Variants in PARD3B observed in about 807,000 individuals in gnomAD.
PARD3B encodes par-3 family cell polarity regulator beta, also known as partitioning defective 3 homolog B.
PARD3B carries 103 observed loss-of-function variants against 130.2 expected under a neutral mutation model. The ratio of observed to expected loss-of-function variants is 0.79; its 90% confidence interval spans 0.67 to 0.93. The LOEUF is 0.93. PARD3B is among the 40% of genes least tolerant of loss of function. The pLI, the probability that PARD3B is intolerant of heterozygous loss-of-function variation, is 0.00. For synonymous variants in PARD3B, 583 were observed against 553.2 expected, an observed-to-expected ratio of 1.05 and a Z score of -0.76; for missense variants, 1,609 against 1,499.2, an observed-to-expected ratio of 1.07 and a Z score of -1.21.
At chr2:205,206,181 T>C (rs1459420837) in intron 15 of PARD3B, among the ~76,000 whole-genome samples, 3 of 151,792 alleles carry the variant, frequency 2.0e-5, no homozygotes, top group Non-Finnish European at 4.4e-5. Context: ...CCATTGTTCA[T>C]ATTTAAATGA....
intron 19 of PARD3B, among the ~76,000 whole-genome samples, chr2:205,415,369 G>A (rs554168925): frequency 1.8e-4 from 27 of 152,220 alleles, no homozygotes; most frequent in African/African-American, 5.1e-4. Context: ...AAGCCTTGCC[G>A]AGAAAGGTAG....
intron 2 of PARD3B, among the ~76,000 whole-genome samples, chr2:204,809,825 C>T (rs2042901713): frequency 6.6e-6 from 1 of 152,150 alleles, no homozygotes; most frequent in Non-Finnish European, 1.5e-5. Flanking sequence ...CTGTAAGTTG[C>T]TTTGGGCACT....
At chr2:204,992,188 T>G (rs1422698344) in intron 3 of PARD3B, among the ~76,000 whole-genome samples, 2 of 148,300 alleles carry the variant, frequency 1.3e-5, no homozygotes, top group African/African-American at 2.5e-5. Flanking sequence ...CTAGGTTTTC[T>G]TCTAGGGTTT....
intron 3 of PARD3B, among the ~76,000 whole-genome samples, chr2:204,966,054 G>A (rs1691212629): frequency 6.6e-6 from 1 of 152,150 alleles, no homozygotes; most frequent in African/African-American, 2.4e-5. Context: ...ACTACTTAGA[G>A]CACCTGTTAT....
At chr2:204,718,169 T>G (rs1240197642) in intron 2 of PARD3B, among the ~76,000 whole-genome samples, 1 of 152,098 alleles carries the variant, frequency 6.6e-6, no homozygotes, top group Non-Finnish European at 1.5e-5. Flanking sequence ...TTTTTTTTTC[T>G]ATTTCTTTGG....
Position 205,542,345 on chromosome 2 carries a change from A to AGT in PARD3B, c.3181-10978_3181-10977dup, listed in dbSNP as rs2052187063. 1.5e-4 allele frequency among the ~76,000 whole-genome samples: 13 copies of AGT among 84,664 alleles called. 1 individual carries two copies. In the Admixed American group the frequency reaches 1.9e-3, roughly 12 times the overall value. 55.5% of individuals were successfully genotyped at this position (84,664 alleles called of 152,430 possible). On this transcript the variant is annotated intron_variant, in intron 21 of 22. Transcript: ENST00000406610. ...TCTAGTTAACAGGAAACTATTCAGT[A>AGT]GTTTGTGTTTGTGTGTGTGTGTGTG...
At chr2:205,311,878 C>A (rs779008436) in intron 18 of PARD3B, among the ~76,000 whole-genome samples, 4 of 152,088 alleles carry the variant, frequency 2.6e-5, no homozygotes, top group Non-Finnish European at 5.9e-5. Context: ...GCTTTTCTTT[C>A]TTTCTTTATG....
intron 21 of PARD3B, among the ~76,000 whole-genome samples, chr2:205,528,116 G>A (rs1015475240): frequency 6.6e-5 from 10 of 152,114 alleles, no homozygotes; most frequent in Non-Finnish European, 1.3e-4. Flanking sequence ...TGGTCTTCCT[G>A]GTAAGAGGTT....
At position 204,546,050 on chromosome 2, in the gene PARD3B, G is replaced by A; in HGVS notation, c.51G>A (p.Lys17=). Residue 17 remains lysine (K), a synonymous_variant, in exon 1 of 23, where the codon AAG becomes AAA. Transcript: ENST00000406610. The part of the protein sequence containing the change: ...FGRTGIVVPC[K]EGQLRVGELT... ...GGACGGGCATCGTGGTGCCCTGCAA[G>A]GAGGGCCAGCTGCGCGTCGGCGAGC... is the stretch of plus-strand genomic sequence containing the variant. The A allele has an allele frequency of 1.3e-6, 2 of 1,566,516 alleles. No individual in the cohort carries two copies. The highest frequency in any genetic ancestry group is 8.7e-7 in the Non-Finnish European group (1 of 1,154,836).
Position 205,309,318 on chromosome 2 carries a change from A to G in PARD3B, c.2630+7617A>G, listed in dbSNP as rs1262170139. Among the ~76,000 whole-genome samples the G allele has an allele frequency of 6.6e-6, 1 of 152,154 alleles. No individual in the cohort carries two copies. Among genetic ancestry groups the G allele is most frequent in the East Asian group, 1.9e-4 (1 of 5,190 alleles). On this transcript the variant is annotated intron_variant, in intron 18 of 22. Transcript: ENST00000406610. The surrounding 1 kb of genome is among the most constrained non-coding windows in gnomAD (Gnocchi z 4.7). ...TTATTGTTTCTTCTCAACTCAGATA[A>G]TGCAAGCATACCTCAAAGATAGACT... is the stretch of plus-strand genomic sequence containing the variant.
intron 2 of PARD3B, among the ~76,000 whole-genome samples, chr2:204,690,995 C>T (rs1158688341): frequency 6.6e-6 from 1 of 152,046 alleles, no homozygotes; most frequent in Non-Finnish European, 1.5e-5. Flanking sequence ...ATGCTGTTAT[C>T]GTCTATAGTG....
chr2:205,074,447 C>T (rs143994555), intron 4 of PARD3B, among the ~76,000 whole-genome samples: 8 of 152,212 alleles, frequency 5.3e-5, no homozygotes, highest in East Asian at 3.9e-4. Context: ...GTTTATGGAA[C>T]GACTTCAGAA....
At chr2:204,818,216 G>C (rs959361130) in intron 2 of PARD3B, among the ~76,000 whole-genome samples, 9 of 152,128 alleles carry the variant, frequency 5.9e-5, no homozygotes, top group African/African-American at 1.9e-4. Context: ...GAATTAACTA[G>C]TAATATTTAA....
At chr2:205,224,070 A>G (rs2038388411) in intron 15 of PARD3B, among the ~76,000 whole-genome samples, 1 of 150,318 alleles carries the variant, frequency 6.7e-6, no homozygotes, top group Non-Finnish European at 1.5e-5. Context: ...TCTCAAAAAA[A>G]AAAAAAGAAA....
rs143443512 is a variant in PARD3B at position 205,576,483 on chromosome 2, G to A, written c.3260+23080G>A. On this transcript the variant is annotated intron_variant, in intron 22 of 22. Coordinates refer to ENST00000406610, the MANE Select transcript of PARD3B (RefSeq NM_001302769.2). The stretch of plus-strand genomic sequence containing the variant: ...GAGTTAATTTTTGTGAAGGGCATAA[G>A]GTCTGTGTCTAGATTCATTTTTTGC... 5.2e-3 allele frequency among the ~76,000 whole-genome samples: 791 copies of A among 152,214 alleles called. 6 individuals are homozygous for A. Among genetic ancestry groups the A allele is most frequent in the African/African-American group, 0.018 (745 of 41,558 alleles).
chr2:205,135,919 C>A (rs2032441525), intron 10 of PARD3B, among the ~76,000 whole-genome samples: 1 of 152,138 alleles, frequency 6.6e-6, no homozygotes, highest in South Asian at 2.1e-4. Context: ...AGTCCCAGCT[C>A]TCTCTTTAAA....
chr2:204,563,214 G>GCTGT (rs1224046781), intron 1 of PARD3B, among the ~76,000 whole-genome samples: 853 of 55,036 alleles, frequency 0.015, 21 homozygotes, highest in African/African-American at 0.047. Context: ...CCGTCTTCCC[G>GCTGT]CTGTCTCTCT....
At chr2:204,798,366 G>A (rs925360734) in intron 2 of PARD3B, among the ~76,000 whole-genome samples, 3 of 152,190 alleles carry the variant, frequency 2.0e-5, no homozygotes, top group African/African-American at 7.2e-5. Context: ...AGCCCTGGCT[G>A]GTGGAGAATG....
intron 2 of PARD3B, among the ~76,000 whole-genome samples, chr2:204,708,667 C>A (rs1417454997): frequency 6.6e-6 from 1 of 152,134 alleles, no homozygotes; most frequent in African/African-American, 2.4e-5. Context: ...GATTTACATC[C>A]TAAGTCTCAT....
Sources: allele counts gnomAD v4.1 joint callset (sites outside exome capture counted in the v4.1 genomes callset), GRCh38; gene constraint gnomAD v4.1.1; non-coding constraint Gnocchi (gnomAD v3.1); transcripts MANE v1.5; gene names NCBI Gene and HGNC (gene_info 2026-07-23, HGNC 2026-07-21).